Variants in TRPM4 observed in about 807,000 individuals in gnomAD.
TRPM4 encodes the protein calcium-activated non-selective cation channel 1.
A neutral mutation model predicts 135.6 loss-of-function variants in TRPM4; 124 were observed. The observed-to-expected ratio is 0.91, with a 90% CI of 0.79 to 1.06. TRPM4 has a LOEUF of 1.06. Ranked by LOEUF, TRPM4 falls within the 50% of genes least tolerant of loss-of-function variation. The pLI is 0.00. For missense variants in TRPM4, 1,658 were observed against 1,671.4 expected (o/e 0.99, Z 0.14); for synonymous variants, 745 against 705.6 (o/e 1.06, Z -0.88).
chr19:49,163,815 G>A (rs191963022), intron 2 of TRPM4, among the ~76,000 whole-genome samples: 242 of 152,300 alleles, frequency 1.6e-3, no homozygotes, highest in Non-Finnish European at 2.9e-3. Context: ...AAACTTTCTG[G>A]GAAGTAGCTG....
Position 49,210,831 on chromosome 19 carries a change from C to T in TRPM4, c.3450C>T (p.Arg1150=), listed in dbSNP as rs763372824. Residue 1150 remains arginine, a synonymous_variant, in exon 22 of 25, where the codon CGC becomes CGT. Coordinates refer to ENST00000252826, the MANE Select transcript of TRPM4 (RefSeq NM_017636.4). The surrounding 1 kb of genome is among the most constrained non-coding windows in gnomAD (Gnocchi z 4.1). The part of the protein sequence containing the change: ...KRESDSERLK[R]TSQKVDLALK... ...AGAGCGACTCCGAGCGTCTGAAGCG[C>T]ACGTCCCAGAAGTGAGAGCGGGGCC... The T allele has an allele frequency of 6.3e-5, 102 of 1,611,552 alleles. No homozygotes were observed. Among genetic ancestry groups the T allele is most frequent in the Non-Finnish European group, 8.3e-5 (98 of 1,179,254 alleles).
Position 49,171,929 on chromosome 19 carries a change from CT to C in TRPM4, c.1051-79del. On this transcript the variant is annotated intron_variant, in intron 8 of 24. Coordinates refer to ENST00000252826, the MANE Select transcript of TRPM4 (RefSeq NM_017636.4). The surrounding 1 kb of genome is among the most constrained non-coding windows in gnomAD (Gnocchi z 4.7). ...CTATTAGGTCCTGGAGGGGAATGGC[CT>C]CCTCCATCCCTTTGGACAGGGCCCA... is the stretch of plus-strand genomic sequence containing the variant. 1.4e-6 allele frequency: 2 copies of C among 1,409,334 alleles called. No homozygotes were observed. The highest frequency in any genetic ancestry group is 2.0e-6 in the Non-Finnish European group (2 of 995,214). The allele number at this position is 1,409,334 out of a possible 1,614,324, so 87.3% of individuals were successfully genotyped here.
At chr19:49,182,944 GGGGCCC>G in intron 11 of TRPM4, 22 bp downstream of exon 11, 2 of 1,583,362 alleles carry the variant, frequency 1.3e-6, no homozygotes, top group South Asian at 2.3e-5. Flanking sequence ...GCAAAGCTGG[GGGGCCC>G]CCCCGCGCGG....
intron 2 of TRPM4, among the ~76,000 whole-genome samples, chr19:49,165,470 C>G (rs1030221656): frequency 6.6e-6 from 1 of 152,048 alleles, no homozygotes; most frequent in Non-Finnish European, 1.5e-5. Context: ...AAGTTCGTGT[C>G]GCGTTGCCTC....
At chr19:49,200,991 T>G (rs1447223968) in intron 19 of TRPM4, among the ~76,000 whole-genome samples, 1 of 150,028 alleles carries the variant, frequency 6.7e-6, no homozygotes, top group African/African-American at 2.5e-5. Flanking sequence ...CTGTCTGTCT[T>G]TCTTTTTTCT....
chr19:49,181,530 CTTTTTTTTT>C lies in TRPM4; in HGVS notation c.1263+82_1263+90del, dbSNP rs35727661. 8.4e-4 allele frequency: 434 copies of C among 518,732 alleles called. 1 individual carries two copies. Among genetic ancestry groups the C allele is most frequent in the African/African-American group, 9.1e-4 (33 of 36,292 alleles). The allele number at this position is 518,732 out of a possible 1,614,324, so 32.1% of individuals were successfully genotyped here. A position where few individuals can be genotyped will look rare whatever the true frequency, so the allele number is the denominator to read the frequency against. The stretch of plus-strand genomic sequence containing the variant: ...CTGTGCTGTCCTCCCTCTCTGCCTT[CTTTTTTTTT>C]TTTTTTTTTTTTGACGGAGTCTCAC... On this transcript the variant is annotated intron_variant, in intron 10 of 24. Transcript: ENST00000252826.
chr19:49,203,958 T>A (rs1472213516), intron 20 of TRPM4, among the ~76,000 whole-genome samples: 2 of 152,026 alleles, frequency 1.3e-5, no homozygotes, highest in African/African-American at 2.4e-5. Flanking sequence ...CAGGACCCCC[T>A]TTTTACTAAA....
chr19:49,202,593 T>C (rs1006956244), intron 20 of TRPM4, among the ~76,000 whole-genome samples: 1 of 152,038 alleles, frequency 6.6e-6, no homozygotes, highest in Non-Finnish European at 1.5e-5. Flanking sequence ...CAAGTGATCC[T>C]CCCTCCTCAG....
rs771038920 is a variant in TRPM4, at chr19:49,210,374, C to T, written c.3297C>T (p.Pro1099=). Residue 1099 remains proline, a synonymous_variant, in exon 21 of 25, where the codon CCC becomes CCT. Transcript: ENST00000252826. The surrounding 1 kb of genome is among the most constrained non-coding windows in gnomAD (Gnocchi z 4.1). The part of the protein sequence containing the change: ...LRQLCRRPRS[P]QPSSPALEHF... ...AATTGTGCAGGCGACCCCGGAGCCCCCAGCCGTCCTCCCCGGCCCTCGAGC... is the reference window on the plus strand; with the variant it reads ...AATTGTGCAGGCGACCCCGGAGCCCTCAGCCGTCCTCCCCGGCCCTCGAGC... 2.5e-6 allele frequency: 4 copies of T among 1,614,052 alleles called. No individual in the cohort carries two copies. The highest frequency in any genetic ancestry group is 2.5e-6 in the Non-Finnish European group (3 of 1,180,042).
At chr19:49,181,521 C>CTCT (rs1234015779) in intron 10 of TRPM4, 60 bp downstream of exon 10, 10 of 941,076 alleles carry the variant, frequency 1.1e-5, no homozygotes, top group African/African-American at 1.7e-5. Flanking sequence ...TGTCCTCCCT[C>CTCT]TCTGCCTTCT....
At chr19:49,187,917 G>A (rs1968258795) in intron 12 of TRPM4, among the ~76,000 whole-genome samples, 1 of 152,138 alleles carries the variant, frequency 6.6e-6, no homozygotes, top group African/African-American at 2.4e-5. Flanking sequence ...CCAGACTACA[G>A]TCTGGGTGGT....
At chr19:49,162,525 C>T (rs1600391122) in intron 2 of TRPM4, among the ~76,000 whole-genome samples, 1 of 151,632 alleles carries the variant, frequency 6.6e-6, no homozygotes. Context: ...GGAGACAGAG[C>T]GAGACTCCAT....
In TRPM4 at chr19:49,168,651, C is replaced by T. The variant is rs368170336; in HGVS notation, c.711C>T (p.Asp237=). The T allele has an allele frequency of 3.3e-5, 53 of 1,613,200 alleles. No homozygotes were observed. Among genetic ancestry groups the T allele is most frequent in the East Asian group, 8.9e-5 (4 of 44,876 alleles). Residue 237 remains aspartate (D), a synonymous_variant, in exon 6 of 25, where the codon GAC becomes GAT. Coordinates refer to ENST00000252826, the MANE Select transcript of TRPM4 (RefSeq NM_017636.4). ...YNYSAFFLVD[D]GTHGCLGGEN... ...ACTCGGCCTTCTTCCTGGTGGACGA[C>T]GGCACACACGGCTGCCTGGGGGGCG...
intron 6 of TRPM4, among the ~76,000 whole-genome samples, chr19:49,169,859 G>A (rs1328182701): frequency 1.3e-5 from 2 of 151,974 alleles, no homozygotes; most frequent in African/African-American, 4.8e-5. Flanking sequence ...CGCCCAGCCA[G>A]CCAATATCTT....
chr19:49,208,355 C>A (rs1487337423), intron 20 of TRPM4, among the ~76,000 whole-genome samples: 1 of 151,910 alleles, frequency 6.6e-6, no homozygotes, highest in African/African-American at 2.4e-5. Context: ...CTCCCTTTCC[C>A]GGTCTGCTAA....
rs1413934947 is a variant in TRPM4 at position 49,182,870 on chromosome 19, ACC to A, written c.1559_1560del (p.Pro520LeufsTer85). ...CTGGGGAAGATGTGCGCGCCGAGGT[ACC>A]CCTCCGGGGGCGCCTGGGACCCTCA... On this transcript the variant is annotated frameshift_variant, in exon 11 of 25. Coordinates refer to ENST00000252826, the MANE Select transcript of TRPM4 (RefSeq NM_017636.4). LOFTEE classifies it high-confidence loss of function. The A allele has an allele frequency of 1.2e-6, 2 of 1,608,026 alleles. No individual in the cohort carries two copies. The highest frequency in any genetic ancestry group is 2.2e-5 in the South Asian group (2 of 90,628).
chr19:49,201,003 T>TTC lies in TRPM4; in HGVS notation c.2953+219_2953+220insCT, dbSNP rs199845468. The stretch of plus-strand genomic sequence containing the variant: ...TTTCTGTCTGTCTTTCTTTTTTCTT[T>TTC]TTTTTTTTCTTTTTTTTTGAGATGG... On this transcript the variant is annotated intron_variant, in intron 19 of 24. Transcript: ENST00000252826. 0.02 allele frequency among the ~76,000 whole-genome samples: 3,005 copies of TTC among 150,164 alleles called. 96 individuals carry two copies. The highest frequency in any genetic ancestry group is 0.07 in the African/African-American group (2,818 of 40,296).
chr19:49,173,699 C>G (rs890133422), intron 9 of TRPM4, among the ~76,000 whole-genome samples: 1 of 152,078 alleles, frequency 6.6e-6, no homozygotes, highest in Non-Finnish European at 1.5e-5. Context: ...GCTCTGTAGG[C>G]CAAGCTGGAG....
At chr19:49,197,346 TTC>T (rs2096212034) in intron 17 of TRPM4, among the ~76,000 whole-genome samples, 1 of 125,790 alleles carries the variant, frequency 7.9e-6, no homozygotes, top group South Asian at 2.3e-4. Context: ...CTTTCTTTCT[TTC>T]TTTCTTTCTT....
Sources: gnomAD v4.1 joint callset for allele counts (sites outside exome capture counted in the v4.1 genomes callset) on GRCh38, gnomAD v4.1.1 for gene constraint, Gnocchi (gnomAD v3.1) non-coding constraint, MANE v1.5 for transcripts, NCBI Gene and HGNC (gene_info 2026-07-23, HGNC 2026-07-21) for gene names.